The following INTS12 variants were observed in gnomAD, a reference collection of about 807,000 sequenced individuals.
The protein encoded by INTS12 is PHD finger protein 22.
A neutral mutation model predicts 41.6 loss-of-function variants in INTS12; 13 were observed. The observed-to-expected ratio is 0.31, with a 90% CI of 0.20 to 0.50. The LOEUF (loss-of-function observed/expected upper bound fraction) is 0.50. Ranked by LOEUF, INTS12 falls within the 20% of genes least tolerant of loss-of-function variation. The pLI, the probability that INTS12 is intolerant of heterozygous loss-of-function variation, is 0.98. For synonymous variants in INTS12, 199 were observed against 191.4 expected (o/e 1.04, Z -0.33); for missense variants, 432 against 541.6 (o/e 0.80, Z 2.01).
At chr4:105,704,748 A>T (rs553906501) in intron 1 of INTS12, among the ~76,000 whole-genome samples, 1 of 152,014 alleles carries the variant, frequency 6.6e-6, no homozygotes, top group African/African-American at 2.4e-5. Context: ...TTTTCAAATG[A>T]TATTTACCCT....
At chr4:105,699,130 G>A (rs1384258842) in intron 3 of INTS12, among the ~76,000 whole-genome samples, 2 of 152,150 alleles carry the variant, frequency 1.3e-5, no homozygotes, top group African/African-American at 2.4e-5. Context: ...AACAGACTAA[G>A]TGAAATGAAG....
At chr4:105,691,920 C>T (rs1731700748) in intron 6 of INTS12, 56 bp downstream of exon 6, 3 of 1,304,740 alleles carry the variant, frequency 2.3e-6, no homozygotes, top group African/African-American at 3.0e-5. Flanking sequence ...TTTGAAAGCA[C>T]ATACCAACAA....
chr4:105,699,949 G>C lies in INTS12; in HGVS notation c.57C>G (p.Phe19Leu). ...LDPIFLKALG[F>L]LHSKSKDSAE... ...CAGAATCTTTACTCTTTGAATGCAA[G>C]AAACCTAGTGCTTTCAAAAAAATGG... The change falls in exon 3 of 8, where the codon TTC becomes TTG. Residue 19 changes from phenylalanine to leucine, a missense_variant. Phe to Leu is a conservative substitution (Grantham distance 22). Transcript: ENST00000340139. The C allele has an allele frequency of 6.5e-7, 1 of 1,527,164 alleles. No homozygotes were observed. The highest frequency in any genetic ancestry group is 8.9e-7 in the Non-Finnish European group (1 of 1,121,128). 94.6% of individuals were successfully genotyped at this position (1,527,164 alleles called of 1,614,324 possible).
intron 6 of INTS12, among the ~76,000 whole-genome samples, chr4:105,689,544 T>C (rs1333978286): frequency 6.6e-6 from 1 of 152,194 alleles, no homozygotes; most frequent in African/African-American, 2.4e-5. Context: ...ATATTAGCCA[T>C]GACTCCCCAT....
chr4:105,702,158 CAG>C (rs1380032101), intron 2 of INTS12, among the ~76,000 whole-genome samples: 2 of 105,534 alleles, frequency 1.9e-5, no homozygotes, highest in East Asian at 2.9e-4. Context: ...TTTTTTGAGA[CAG>C]AGTCTCGCTC....
chr4:105,693,224 T>C, intron 5 of INTS12, 75 bp downstream of exon 5: 1 of 1,211,234 alleles, frequency 8.3e-7, no homozygotes, highest in Non-Finnish European at 1.1e-6. Context: ...TTTCTGATTT[T>C]GGGGGTTGAG....
Position 105,701,233 on chromosome 4 carries a change from C to CT in INTS12, c.-9-1220dup, listed in dbSNP as rs57389075. Among the ~76,000 whole-genome samples the CT allele has an allele frequency of 4.2e-3, 558 of 132,766 alleles. 3 individuals carry two copies. Among genetic ancestry groups the CT allele is most frequent in the Middle Eastern group, 0.028 (7 of 248 alleles). The allele number at this position is 132,766 out of a possible 152,430, so 87.1% of individuals were successfully genotyped here. On this transcript the variant is annotated intron_variant, in intron 2 of 7. Coordinates refer to ENST00000340139, the MANE Select transcript of INTS12 (RefSeq NM_020395.4). ...AGAAACACACATACACATCCCTAGG[C>CT]TTTTTTTTTTTTTTTTTTAAGTTCC...
chr4:105,697,960 G>A (rs1413581075), intron 3 of INTS12, among the ~76,000 whole-genome samples: 2 of 152,148 alleles, frequency 1.3e-5, no homozygotes. Context: ...TGAAGTGGGA[G>A]GATTGCTTGA....
intron 6 of INTS12, among the ~76,000 whole-genome samples, chr4:105,690,719 A>G (rs1240102186): frequency 6.6e-6 from 1 of 152,198 alleles, no homozygotes; most frequent in Non-Finnish European, 1.5e-5. Context: ...TTGGGGGAAG[A>G]ACAGTGCTTA....
intron 1 of INTS12, among the ~76,000 whole-genome samples, chr4:105,706,602 T>C (rs544044305): frequency 6.6e-6 from 1 of 152,346 alleles, no homozygotes; most frequent in East Asian, 1.9e-4. Context: ...GATTCCTTAA[T>C]GGCATCTCAA....
At chr4:105,708,175 G>A (rs188705335) in intron 1 of INTS12, 1 of 985,392 alleles carries the variant, frequency 1.0e-6, no homozygotes, top group African/African-American at 1.7e-5. Flanking sequence ...GGAATCGCAG[G>A]AGAAAAGGCT....
At chr4:105,698,151 T>C (rs1025627707) in intron 3 of INTS12, among the ~76,000 whole-genome samples, 1 of 152,192 alleles carries the variant, frequency 6.6e-6, no homozygotes, top group African/African-American at 2.4e-5. Context: ...AGCAAAAAAG[T>C]TGTTCTAGTT....
chr4:105,699,869 C>G lies in INTS12; in HGVS notation c.137G>C (p.Ser46Thr). 6.5e-7 allele frequency: 1 copy of G among 1,535,566 alleles called. No homozygotes were observed. The highest frequency in any genetic ancestry group is 8.9e-7 in the Non-Finnish European group (1 of 1,129,134). Reference sequence around the variant, plus strand: ...AAGTACCTTTTGAGATGGACGGTAACTGGAATCAATGCCCCGAGCCAAAGA... The same window carrying G: ...AAGTACCTTTTGAGATGGACGGTAAGTGGAATCAATGCCCCGAGCCAAAGA... ...DESLARGIDSSYRPSQKDVEP... is the reference protein window; with the variant it reads ...DESLARGIDSTYRPSQKDVEP... The change falls in exon 3 of 8, where the codon AGT becomes ACT. Residue 46 changes from serine to threonine, a missense_variant. Ser to Thr is a moderately conservative substitution (Grantham distance 58). Transcript: ENST00000340139.
chr4:105,694,624 C>G (rs1249532898), intron 4 of INTS12, among the ~76,000 whole-genome samples: 1 of 152,204 alleles, frequency 6.6e-6, no homozygotes. Flanking sequence ...AGCCACCACA[C>G]CCAGCTTCAC....
intron 6 of INTS12, among the ~76,000 whole-genome samples, chr4:105,690,648 A>G (rs570220679): frequency 1.8e-3 from 276 of 152,330 alleles, no homozygotes; most frequent in African/African-American, 6.4e-3. Flanking sequence ...TCACCCAGGA[A>G]GAGGGTTAGA....
In INTS12 at chr4:105,693,478, T is replaced by C. The variant is rs1489416313; in HGVS notation, c.318A>G (p.Ser106=). 3 of 1,607,980 alleles carry C rather than the reference T, an allele frequency of 1.9e-6. No individual in the cohort carries two copies. Among genetic ancestry groups the C allele is most frequent in the Non-Finnish European group, 2.6e-6 (3 of 1,175,132 alleles). ...AEKRPADKMK[S]DITEGVDIPK... is the part of the protein sequence containing the mutation. ...GAATATCAACTCCTTCAGTGATGTC[T>C]GATTTCATCTATAAAAAGCAGGCAT... The change falls in exon 5 of 8, where the codon TCA becomes TCG. Residue 106 remains serine, a synonymous_variant. Coordinates refer to ENST00000340139, the MANE Select transcript of INTS12 (RefSeq NM_020395.4).
chr4:105,694,962 T>A (rs1731808291), intron 4 of INTS12, among the ~76,000 whole-genome samples: 1 of 152,038 alleles, frequency 6.6e-6, no homozygotes, highest in Non-Finnish European at 1.5e-5. Flanking sequence ...CCTCACTCTG[T>A]CACCCAGGCT....
intron 1 of INTS12, among the ~76,000 whole-genome samples, chr4:105,707,347 T>C (rs918197578): frequency 6.6e-6 from 1 of 151,752 alleles, no homozygotes; most frequent in African/African-American, 2.4e-5. Context: ...AAGTGTTATG[T>C]CCCCTACAAA....
rs1731377346 is a variant in INTS12 at position 105,683,097 on chromosome 4, C to G, written c.1025G>C (p.Gly342Ala). 6.8e-6 allele frequency: 11 copies of G among 1,614,124 alleles called. 1 individual carries two copies. In the East Asian group the frequency reaches 2.5e-4, roughly 36 times the overall value. Residue 342 changes from glycine (G) to alanine (A), a missense_variant, in exon 8 of 8, where the codon GGT becomes GCT. Transcript: ENST00000340139. Reference sequence around the variant, plus strand: ...GGAACCTATTTTGGAACCTATTCCACCTTTGGATGATGTTGCCAGACCAGT... The same window carrying G: ...GGAACCTATTTTGGAACCTATTCCAGCTTTGGATGATGTTGCCAGACCAGT... ...GLTGLATSSK[G>A]GIGSKIGSNN...
Sources: gnomAD v4.1 joint callset for allele counts (sites outside exome capture counted in the v4.1 genomes callset) on GRCh38, gnomAD v4.1.1 for gene constraint, MANE v1.5 for transcripts, NCBI Gene and HGNC (gene_info 2026-07-23, HGNC 2026-07-21) for gene names.